The following HIP1 variants were observed in gnomAD, a reference collection of about 807,000 sequenced individuals.
HIP1 encodes huntingtin-interacting protein 1.
A neutral mutation model predicts 147.6 loss-of-function variants in HIP1; 65 were observed. That is an observed-to-expected ratio of 0.44 (90% CI 0.36 to 0.54). The LOEUF is 0.54. HIP1 is among the 20% of genes least tolerant of loss of function. The pLI is 0.00. For synonymous variants in HIP1, 479 were observed against 504.0 expected, an observed-to-expected ratio of 0.95 and a Z score of 0.67; for missense variants, 1,061 against 1,299.6, an observed-to-expected ratio of 0.82 and a Z score of 2.82.
chr7:75,612,792 A>G (rs1797490156), intron 1 of HIP1, among the ~76,000 whole-genome samples: 1 of 152,012 alleles, frequency 6.6e-6, no homozygotes, highest in Non-Finnish European at 1.5e-5. Flanking sequence ...CTGGGCAACA[A>G]GAGTGAAACT....
At chr7:75,706,020 A>G (rs1800981955) in intron 1 of HIP1, among the ~76,000 whole-genome samples, 1 of 151,854 alleles carries the variant, frequency 6.6e-6, no homozygotes, top group South Asian at 2.1e-4. Flanking sequence ...CAGCCTCCCA[A>G]ATAGCTGGGA....
chr7:75,553,536 A>C lies in HIP1; in HGVS notation c.2212T>G (p.Ser738Ala). ...TCAAGGCTTCCCTCTTCCTCCAGGG[A>C]GGCCAGGTAGGCGAGGGTTTCCCTG... ...YGRETLAYLASLEEEGSLENA... is the reference protein window; with the variant it reads ...YGRETLAYLAALEEEGSLENA... The change falls in exon 22 of 31, where the codon TCC (serine) becomes GCC (alanine). Residue 738 changes from serine to alanine, a missense_variant. Physicochemically the swap from Ser to Ala is moderately conservative, Grantham distance 99 (BLOSUM62 1). This residue lies in a region of HIP1 where 810 missense variants were observed against 946.8 expected (regional missense o/e 0.86). Coordinates refer to ENST00000336926, the MANE Select transcript of HIP1 (RefSeq NM_005338.7). 6.2e-7 allele frequency: 1 copy of C among 1,614,098 alleles called. No homozygotes were observed. The highest frequency in any genetic ancestry group is 8.5e-7 in the Non-Finnish European group (1 of 1,180,008).
At chr7:75,556,196 G>A in intron 17 of HIP1, 27 bp from the exon 18 acceptor site, 6 of 1,611,500 alleles carry the variant, frequency 3.7e-6, no homozygotes, top group Non-Finnish European at 5.1e-6. Flanking sequence ...AAGGAAAGAG[G>A]GAGACGCTGG....
At chr7:75,616,584 G>GGGAGGA (rs782489721) in intron 1 of HIP1, among the ~76,000 whole-genome samples, 4,009 of 146,022 alleles carry the variant, frequency 0.027, 125 homozygotes, top group African/African-American at 0.076. Flanking sequence ...TTTAAGGGTG[G>GGGAGGA]GGAGGAGGAG....
At chr7:75,691,319 G>C (rs1447461226) in intron 1 of HIP1, among the ~76,000 whole-genome samples, 2 of 150,104 alleles carry the variant, frequency 1.3e-5, no homozygotes, top group Non-Finnish European at 3.0e-5. Context: ...TGAAACCCCT[G>C]TCTCTACTAA....
intron 25 of HIP1, among the ~76,000 whole-genome samples, chr7:75,546,511 G>A (rs1219304464): frequency 2.0e-5 from 3 of 152,224 alleles, no homozygotes; most frequent in South Asian, 2.1e-4. Context: ...GAAGTGGTGC[G>A]TTGATAAGAG....
Position 75,568,131 on chromosome 7 carries a change from C to T in HIP1, c.803+68G>A, listed in dbSNP as rs868972745. ...GTGTCCAGCCACCTCTCACAGTGCA[C>T]TTGCATGGCTTAATGATTTTATAGC... is the stretch of plus-strand genomic sequence containing the variant. On this transcript the variant is annotated intron_variant, in intron 9 of 30. Transcript: ENST00000336926. The surrounding 1 kb of genome is among the most constrained non-coding windows in gnomAD (Gnocchi z 4.1). The T allele has an allele frequency of 2.6e-6, 3 of 1,156,954 alleles. No individual in the cohort carries two copies. The highest frequency in any genetic ancestry group is 1.9e-4 in the Middle Eastern group (1 of 5,188). 71.7% of individuals were successfully genotyped at this position (1,156,954 alleles called of 1,614,324 possible). A position where few individuals can be genotyped will look rare whatever the true frequency, so the allele number is the denominator to read the frequency against.
intron 19 of HIP1, among the ~76,000 whole-genome samples, 189 bp from the exon 20 acceptor site, chr7:75,554,715 G>A (rs782130845): frequency 6.6e-6 from 1 of 152,112 alleles, no homozygotes; most frequent in African/African-American, 2.4e-5. Context: ...GTCTGCTCCT[G>A]GTGGGTGTTT....
At chr7:75,600,441 G>T (rs1796932267) in intron 1 of HIP1, among the ~76,000 whole-genome samples, 1 of 152,110 alleles carries the variant, frequency 6.6e-6, no homozygotes, top group African/African-American at 2.4e-5. Flanking sequence ...TTTGCAAAGT[G>T]CATATACATA....
chr7:75,535,171 T>A lies in HIP1; in HGVS notation c.*3001A>T. 4.7e-6 allele frequency: 1 copy of A among 213,866 alleles called. No homozygotes were observed. Among genetic ancestry groups the A allele is most frequent in the South Asian group, 1.9e-4 (1 of 5,374 alleles). The allele number at this position is 213,866 out of a possible 1,614,324, so 13.2% of individuals were successfully genotyped here. A position where few individuals can be genotyped will look rare whatever the true frequency, so the allele number is the denominator to read the frequency against. ...TTCTGTTTAAGTGCTTTCTTAACCG[T>A]TATGACTCAGGCTAAGTCGATGAAG... On this transcript the variant is annotated 3_prime_UTR_variant, in exon 31 of 31. Transcript: ENST00000336926.
rs1584762422 is a variant in HIP1 at position 75,536,064 on chromosome 7, T to C, written c.*2108A>G. 1 of 185,360 alleles carries C rather than the reference T, an allele frequency of 5.4e-6. No individual in the cohort carries two copies. The highest frequency in any genetic ancestry group is 2.3e-5 in the African/African-American group (1 of 42,612). 11.5% of individuals were successfully genotyped at this position (185,360 alleles called of 1,614,324 possible). A position where few individuals can be genotyped will look rare whatever the true frequency, so the allele number is the denominator to read the frequency against. The stretch of plus-strand genomic sequence containing the variant: ...AGTTAGAATGGCTGAGATCTAGAAG[T>C]GAGGACTAGCCACTTTTGGAAATGT... On this transcript the variant is annotated 3_prime_UTR_variant, in exon 31 of 31. Coordinates refer to ENST00000336926, the MANE Select transcript of HIP1 (RefSeq NM_005338.7).
intron 7 of HIP1, among the ~76,000 whole-genome samples, chr7:75,578,521 C>A (rs1554498090): frequency 6.6e-6 from 1 of 152,072 alleles, no homozygotes; most frequent in Non-Finnish European, 1.5e-5. Context: ...AAAAAAAGTA[C>A]ACAAAAATTA....
At chr7:75,618,160 T>C (rs1035448375) in intron 1 of HIP1, among the ~76,000 whole-genome samples, 1 of 152,160 alleles carries the variant, frequency 6.6e-6, no homozygotes, top group African/African-American at 2.4e-5. Flanking sequence ...TCTTTCATTT[T>C]TTTTCTTGAG....
At position 75,533,845 on chromosome 7, in the gene HIP1, G is replaced by A. The variant is rs1017908136; in HGVS notation, c.*4327C>T. ...AGCAAACAGCTGGCTGGTTTGCTGC[G>A]CCGATGGCTGGCAGGTCCGTGGTGG... On this transcript the variant is annotated 3_prime_UTR_variant, in exon 31 of 31. Transcript: ENST00000336926. 7 of 235,500 alleles carry A rather than the reference G, an allele frequency of 3.0e-5. No homozygotes were observed. The highest frequency in any genetic ancestry group is 5.9e-5 in the East Asian group (1 of 16,856). The allele number at this position is 235,500 out of a possible 1,614,324, so 14.6% of individuals were successfully genotyped here.
At chr7:75,699,110 T>C (rs1449813769) in intron 1 of HIP1, among the ~76,000 whole-genome samples, 2 of 151,956 alleles carry the variant, frequency 1.3e-5, no homozygotes, top group Non-Finnish European at 2.9e-5. Context: ...TGACAAAAGA[T>C]TTCATAGGTT....
At chr7:75,690,961 T>C (rs1167161354) in intron 1 of HIP1, among the ~76,000 whole-genome samples, 3 of 152,176 alleles carry the variant, frequency 2.0e-5, no homozygotes, top group South Asian at 2.1e-4. Flanking sequence ...AAGTAAATAC[T>C]TGTACAGGAA....
chr7:75,586,244 T>C (rs1554499617), intron 5 of HIP1, among the ~76,000 whole-genome samples: 1 of 151,628 alleles, frequency 6.6e-6, no homozygotes, highest in Non-Finnish European at 1.5e-5. Flanking sequence ...TCTCCCAGGC[T>C]GGAGTGCAGT....
chr7:75,562,447 C>T (rs1223660274), intron 11 of HIP1, among the ~76,000 whole-genome samples: 1 of 151,992 alleles, frequency 6.6e-6, no homozygotes, highest in Non-Finnish European at 1.5e-5. Context: ...TGCCACCATA[C>T]CTGGATAATT....
At chr7:75,696,111 C>A (rs1800625019) in intron 1 of HIP1, among the ~76,000 whole-genome samples, 1 of 152,030 alleles carries the variant, frequency 6.6e-6, no homozygotes, top group Non-Finnish European at 1.5e-5. Flanking sequence ...CTCACTCAGC[C>A]TCCCGAGTAG....
Sources: allele counts gnomAD v4.1 joint callset (sites outside exome capture counted in the v4.1 genomes callset), GRCh38; gene constraint gnomAD v4.1.1; regional missense constraint gnomAD v4.1.1; non-coding constraint Gnocchi (gnomAD v3.1); transcripts MANE v1.5; gene names NCBI Gene and HGNC (gene_info 2026-07-23, HGNC 2026-07-21).